MYO5B: variants seen among roughly 807,000 people sequenced by gnomAD.
MYO5B encodes unconventional myosin-Vb.
In MYO5B, 143 loss-of-function variants were observed where a neutral mutation model predicts 229.3. The observed-to-expected ratio is 0.62, with a 90% CI of 0.54 to 0.72. The LOEUF is 0.72. Ranked by LOEUF, MYO5B falls within the 30% of genes least tolerant of loss-of-function variation. The probability of loss-of-function intolerance (pLI) is 0.00; values close to 1 mark genes in which losing one functional copy is unlikely to be tolerated. For missense variants in MYO5B, 2,321 were observed against 2,331.0 expected, an observed-to-expected ratio of 1.00 and a Z score of 0.09; for synonymous variants, 918 against 885.2, an observed-to-expected ratio of 1.04 and a Z score of -0.66.
intron 1 of MYO5B, among the ~76,000 whole-genome samples, chr18:50,101,515 T>C (rs2031654706): frequency 6.6e-6 from 1 of 152,034 alleles, no homozygotes; most frequent in Non-Finnish European, 1.5e-5. Flanking sequence ...AAAGGTCTAA[T>C]ATCCAGAATC....
At position 49,863,238 on chromosome 18, in the gene MYO5B, G is replaced by A. The variant is rs2024353089; in HGVS notation, c.3933C>T (p.Cys1311=). Residue 1311 remains cysteine, a synonymous_variant, in exon 29 of 40, where the codon TGC becomes TGT. Transcript: ENST00000285039. The part of the protein sequence containing the change: ...EDAIEAYHGV[C]QTNSKTEDWG... ...CGCGGCGGCCTTACCTGTTTGTCTG[G>A]CAGACCCCGTGATAGGCCTCAATGG... 6 of 1,612,762 alleles carry A rather than the reference G, an allele frequency of 3.7e-6. No individual in the cohort carries two copies. The highest frequency in any genetic ancestry group is 4.2e-6 in the Non-Finnish European group (5 of 1,179,768).
chr18:49,855,564 A>G (rs919517657), intron 30 of MYO5B, among the ~76,000 whole-genome samples: 7 of 152,366 alleles, frequency 4.6e-5, no homozygotes, highest in African/African-American at 1.7e-4. Flanking sequence ...TAACCATGAT[A>G]GTAATAGAAG....
chr18:50,048,986 C>T (rs984552539), intron 2 of MYO5B, among the ~76,000 whole-genome samples: 9 of 149,854 alleles, frequency 6.0e-5, no homozygotes, highest in Non-Finnish European at 1.2e-4. Flanking sequence ...TGCACCACTG[C>T]ACCCCAGCCT....
intron 1 of MYO5B, among the ~76,000 whole-genome samples, chr18:50,111,080 T>C (rs1042032897): frequency 6.6e-6 from 1 of 152,224 alleles, no homozygotes; most frequent in African/African-American, 2.4e-5. Context: ...TGGTGGAGAC[T>C]ATATTAAGGA....
In MYO5B at chr18:49,934,088, C is replaced by T. The variant is rs143731494; in HGVS notation, c.2003+2164G>A. ...GTTGGGTCTCGCTATATTTCCCAGG[C>T]CGCTCTCAAACTCCTTGCCTCAAGT... On this transcript the variant is annotated intron_variant, in intron 16 of 39. Transcript: ENST00000285039. 1.1e-4 allele frequency among the ~76,000 whole-genome samples: 16 copies of T among 152,308 alleles called. No homozygotes were observed. In the East Asian group the frequency reaches 3.1e-3, roughly 29 times the overall value.
At chr18:49,977,780 C>G (rs2025768089) in intron 9 of MYO5B, among the ~76,000 whole-genome samples, 1 of 152,198 alleles carries the variant, frequency 6.6e-6, no homozygotes, top group African/African-American at 2.4e-5. Context: ...TCCACTCAGG[C>G]TATAACAAGG....
At chr18:49,987,385 C>T (rs2025881921) in intron 7 of MYO5B, among the ~76,000 whole-genome samples, 1 of 152,156 alleles carries the variant, frequency 6.6e-6, no homozygotes, top group Non-Finnish European at 1.5e-5. Context: ...CAGTCTTCCC[C>T]CACCTGCTTG....
chr18:49,929,706 TGCCACTGAGTTACA>T (rs2025169100), intron 16 of MYO5B, 108 bp from the exon 17 acceptor site: 5 of 966,448 alleles, frequency 5.2e-6, no homozygotes, highest in East Asian at 2.6e-5. Context: ...AAGTACCTGC[TGCCACTGAGTTACA>T]GCCACTGAGT....
chr18:49,862,684 G>C (rs1001515806), intron 29 of MYO5B, among the ~76,000 whole-genome samples: 1 of 152,186 alleles, frequency 6.6e-6, no homozygotes, highest in Admixed American at 6.5e-5. Context: ...TTTTCGAGGG[G>C]ACAGTGGTTG....
chr18:49,861,532 C>A (rs2024329206), intron 29 of MYO5B, among the ~76,000 whole-genome samples: 1 of 152,208 alleles, frequency 6.6e-6, no homozygotes, highest in African/African-American at 2.4e-5. Context: ...AGTTTTAGCA[C>A]TGAGAGAGTC....
At chr18:50,187,461 A>C (rs1418082787) in intron 1 of MYO5B, among the ~76,000 whole-genome samples, 1 of 151,984 alleles carries the variant, frequency 6.6e-6, no homozygotes, top group East Asian at 1.9e-4. Context: ...TGTAAGCATA[A>C]GACAGTCTGA....
chr18:49,980,351 GA>G, intron 9 of MYO5B, 92 bp downstream of exon 9: 1 of 907,038 alleles, frequency 1.1e-6, no homozygotes, highest in South Asian at 1.3e-5. Context: ...AATAACCTAT[GA>G]GTGTCCTCTA....
chr18:50,112,511 C>T (rs1315440020), intron 1 of MYO5B, among the ~76,000 whole-genome samples: 7 of 152,296 alleles, frequency 4.6e-5, no homozygotes, highest in Admixed American at 2.0e-4. Context: ...ACCCCCATGG[C>T]GCCTTAACCA....
At chr18:49,917,241 T>C (rs1021632244) in intron 17 of MYO5B, among the ~76,000 whole-genome samples, 1 of 152,228 alleles carries the variant, frequency 6.6e-6, no homozygotes, top group Non-Finnish European at 1.5e-5. Flanking sequence ...CCTATTGTCA[T>C]GGTGTCCTTA....
In MYO5B at chr18:49,948,847, C is replaced by T. The variant is rs140919239; in HGVS notation, c.1752+4413G>A. On this transcript the variant is annotated intron_variant, in intron 14 of 39. Coordinates refer to ENST00000285039, the MANE Select transcript of MYO5B (RefSeq NM_001080467.3). ...CGACTCCTGTGCTGTAATTTGGGTA[C>T]CAACATGACCAAGGTTCAGTCTGGT... is the stretch of plus-strand genomic sequence containing the variant. 2.5e-3 allele frequency among the ~76,000 whole-genome samples: 379 copies of T among 152,178 alleles called. 2 individuals are homozygous for T. The highest frequency in any genetic ancestry group is 8.9e-3 in the African/African-American group (368 of 41,522).
At chr18:50,056,609 G>A (rs2030556759) in intron 1 of MYO5B, among the ~76,000 whole-genome samples, 1 of 152,166 alleles carries the variant, frequency 6.6e-6, no homozygotes, top group Non-Finnish European at 1.5e-5. Flanking sequence ...ATGTGCTTGG[G>A]TCAGTATCAT....
At chr18:50,051,396 T>C (rs1216225265) in intron 2 of MYO5B, among the ~76,000 whole-genome samples, 1 of 152,134 alleles carries the variant, frequency 6.6e-6, no homozygotes, top group African/African-American at 2.4e-5. Context: ...GGGTGATAGA[T>C]AGTAGATACA....
intron 1 of MYO5B, among the ~76,000 whole-genome samples, chr18:50,128,558 C>G (rs760451254): frequency 2.0e-5 from 3 of 152,180 alleles, no homozygotes; most frequent in African/African-American, 7.2e-5. Flanking sequence ...ATAGCAGCGC[C>G]TAGCTCAGTG....
At chr18:50,127,802 C>T (rs957581551) in intron 1 of MYO5B, among the ~76,000 whole-genome samples, 1 of 152,204 alleles carries the variant, frequency 6.6e-6, no homozygotes, top group African/African-American at 2.4e-5. Context: ...CTGAGTCAGT[C>T]GACTGAGTAA....
Sources: allele counts gnomAD v4.1 joint callset (sites outside exome capture counted in the v4.1 genomes callset), GRCh38; gene constraint gnomAD v4.1.1; transcripts MANE v1.5; gene names NCBI Gene and HGNC (gene_info 2026-07-23, HGNC 2026-07-21).